Variants in WDR27 observed in about 807,000 individuals in gnomAD.
WDR27 encodes WD repeat domain 27.
A neutral mutation model predicts 114.4 loss-of-function variants in WDR27; 100 were observed. That is an observed-to-expected ratio of 0.87 (90% CI 0.74 to 1.03). The LOEUF (loss-of-function observed/expected upper bound fraction) is 1.03. Ranked by LOEUF, WDR27 falls within the 50% of genes least tolerant of loss-of-function variation. The probability of loss-of-function intolerance (pLI) is 0.00; values close to 1 mark genes in which losing one functional copy is unlikely to be tolerated. For missense variants in WDR27, 1,129 were observed against 1,092.9 expected (o/e 1.03, Z -0.47); for synonymous variants, 449 against 423.1 (o/e 1.06, Z -0.75).
At chr6:169,563,771 G>A (rs1050089405) in intron 25 of WDR27, among the ~76,000 whole-genome samples, 2 of 152,180 alleles carry the variant, frequency 1.3e-5, no homozygotes, top group African/African-American at 4.8e-5. Context: ...CCTTAATTTT[G>A]TGATTTCTGA....
chr6:169,558,534 G>A (rs1338707012), intron 25 of WDR27: 1 of 152,070 alleles, frequency 6.6e-6, no homozygotes, highest in Admixed American at 6.6e-5. Context: ...CCGAGGATTG[G>A]GCAGTCATCG....
chr6:169,665,997 A>G (rs572243250), intron 6 of WDR27, among the ~76,000 whole-genome samples: 40 of 152,350 alleles, frequency 2.6e-4, no homozygotes, highest in African/African-American at 7.7e-4. Flanking sequence ...AGTGATGAAA[A>G]CAGCAAGTAA....
At chr6:169,657,596 TTAGAC>T (rs1217468562) in intron 13 of WDR27, among the ~76,000 whole-genome samples, 122 of 152,278 alleles carry the variant, frequency 8.0e-4, no homozygotes, top group African/African-American at 2.9e-3. Context: ...AATTAAAGGG[TTAGAC>T]TGGTCACTGA....
At chr6:169,651,586 G>C (rs367657599) in intron 14 of WDR27, among the ~76,000 whole-genome samples, 2 of 152,058 alleles carry the variant, frequency 1.3e-5, no homozygotes, top group East Asian at 3.9e-4. Context: ...CACCGTGTCC[G>C]GCCTTGATGG....
intron 24 of WDR27, among the ~76,000 whole-genome samples, chr6:169,573,717 TC>T (rs1203785866): frequency 2.0e-5 from 3 of 152,230 alleles, no homozygotes; most frequent in Non-Finnish European, 4.4e-5. Context: ...AAATTATATC[TC>T]TGTGTATCCG....
At chr6:169,532,037 C>A (rs1255006786) in intron 25 of WDR27, among the ~76,000 whole-genome samples, 1 of 152,046 alleles carries the variant, frequency 6.6e-6, no homozygotes, top group Non-Finnish European at 1.5e-5. Flanking sequence ...TCTTTAAAGT[C>A]TTAAATAAAC....
rs1228929435 is a variant in WDR27 at position 169,543,723 on chromosome 6, CT to C, written c.2645+28695del. Among the ~76,000 whole-genome samples the C allele has an allele frequency of 2.6e-5, 4 of 152,098 alleles. No individual in the cohort carries two copies. In the East Asian group the frequency reaches 7.7e-4, roughly 29 times the overall value. On this transcript the variant is annotated intron_variant, in intron 25 of 25. Transcript: ENST00000448612. Reference sequence around the variant, plus strand: ...AGTCATTTCAGATAATTTGAATATTCTTTTTTAATACTACTTCAAAACATGA... The same window carrying C: ...AGTCATTTCAGATAATTTGAATATTCTTTTTAATACTACTTCAAAACATGA...
At chr6:169,605,137 TA>T (rs1808871349) in intron 22 of WDR27, among the ~76,000 whole-genome samples, 1 of 129,002 alleles carries the variant, frequency 7.8e-6, no homozygotes, top group Non-Finnish European at 1.6e-5. Context: ...TTTTTTTTTT[TA>T]AAGAAGCATC....
At chr6:169,581,697 G>T (rs1357048567) in intron 24 of WDR27, among the ~76,000 whole-genome samples, 2 of 152,240 alleles carry the variant, frequency 1.3e-5, no homozygotes, top group Non-Finnish European at 2.9e-5. Context: ...GACAGCACAA[G>T]ATGCACTTAC....
chr6:169,481,599 A>C (rs1244967009), intron 25 of WDR27, among the ~76,000 whole-genome samples: 2 of 152,188 alleles, frequency 1.3e-5, no homozygotes, highest in Non-Finnish European at 2.9e-5. Flanking sequence ...TGAGACCATG[A>C]ACCAACTAGA....
the WDR27 span, among the ~76,000 whole-genome samples, chr6:169,443,025 G>A: frequency 6.6e-6 from 1 of 152,222 alleles, no homozygotes; most frequent in Non-Finnish European, 1.5e-5. Context: ...AAGACAATGT[G>A]ATGAGCATTT....
intron 21 of WDR27, among the ~76,000 whole-genome samples, chr6:169,614,809 C>T (rs550901930): frequency 1.3e-5 from 2 of 152,054 alleles, no homozygotes; most frequent in Admixed American, 6.5e-5. Context: ...AGATCATCTA[C>T]TGAATGCTGG....
chr6:169,700,042 T>C (rs1379246437), intron 1 of WDR27, among the ~76,000 whole-genome samples: 1 of 152,108 alleles, frequency 6.6e-6, no homozygotes, highest in Non-Finnish European at 1.5e-5. Flanking sequence ...CAGGGTCTAG[T>C]TGGGAAATTC....
chr6:169,697,674 T>C (rs1464920412), intron 1 of WDR27, among the ~76,000 whole-genome samples: 1 of 152,090 alleles, frequency 6.6e-6, no homozygotes, highest in Admixed American at 6.5e-5. Context: ...GAAATAACGG[T>C]GTAAGTTGTT....
chr6:169,635,371 G>A (rs974766878), intron 19 of WDR27, among the ~76,000 whole-genome samples: 1 of 152,188 alleles, frequency 6.6e-6, no homozygotes, highest in African/African-American at 2.4e-5. Flanking sequence ...GCGACAGAGT[G>A]AGACTCCGTC....
intron 25 of WDR27, among the ~76,000 whole-genome samples, chr6:169,529,668 C>G (rs1795357756): frequency 6.6e-6 from 1 of 152,084 alleles, no homozygotes; most frequent in Admixed American, 6.6e-5. Flanking sequence ...ATATTTTGGA[C>G]AGGCTCATTC....
At position 169,541,732 on chromosome 6, in the gene WDR27, G is replaced by T. The variant is rs563169417; in HGVS notation, c.2645+30687C>A. Among the ~76,000 whole-genome samples the T allele has an allele frequency of 3.9e-5, 6 of 152,110 alleles. No homozygotes were observed. The East Asian group carries it at 1.2e-3, about 29-fold the overall frequency. The stretch of plus-strand genomic sequence containing the variant: ...ATAAGCAAATCTGGTAAACGGAAAA[G>T]AAAAAAGTACTTAATGAATTTTATA... On this transcript the variant is annotated intron_variant, in intron 25 of 25. Coordinates refer to ENST00000448612, the MANE Select transcript of WDR27 (RefSeq NM_182552.5).
chr6:169,508,040 T>C (rs1336681710), intron 25 of WDR27, among the ~76,000 whole-genome samples: 1 of 152,234 alleles, frequency 6.6e-6, no homozygotes, highest in African/African-American at 2.4e-5. Context: ...GCCATGCTTT[T>C]AGGGCACAGC....
chr6:169,651,193 GA>G (rs1822429676), intron 14 of WDR27, among the ~76,000 whole-genome samples: 11 of 67,776 alleles, frequency 1.6e-4, no homozygotes, highest in East Asian at 1.0e-3. Flanking sequence ...CGGGGGGGGG[GA>G]GTGGGGGAGT....
Sources: gnomAD v4.1 joint callset for allele counts (sites outside exome capture counted in the v4.1 genomes callset) on GRCh38, gnomAD v4.1.1 for gene constraint, MANE v1.5 for transcripts, NCBI Gene and HGNC (gene_info 2026-07-23, HGNC 2026-07-21) for gene names.